Variants in ACER2 observed in about 807,000 individuals in gnomAD.
The protein encoded by ACER2 is alkaline ceramidase 2.
Under a neutral mutation model 34.7 loss-of-function variants are expected in ACER2, and 26 were observed. The observed-to-expected ratio is 0.75, with a 90% CI of 0.55 to 1.04. The LOEUF (loss-of-function observed/expected upper bound fraction) is 1.04. Among genes scored for constraint, ACER2 ranks in the 50% least tolerant of loss-of-function variants. The probability of loss-of-function intolerance (pLI) is 0.00; values close to 1 mark genes in which losing one functional copy is unlikely to be tolerated. For synonymous variants in ACER2, 138 were observed against 132.1 expected (o/e 1.04, Z -0.31); for missense variants, 352 against 340.8 (o/e 1.03, Z -0.26).
chr9:19,441,384 A>G (rs1352327403), intron 4 of ACER2, among the ~76,000 whole-genome samples: 2 of 152,066 alleles, frequency 1.3e-5, no homozygotes, highest in Admixed American at 1.3e-4. Flanking sequence ...CGATGTTGCA[A>G]TGAAGATAAA....
At chr9:19,420,370 C>G (rs1418877984) in intron 1 of ACER2, among the ~76,000 whole-genome samples, 1 of 152,192 alleles carries the variant, frequency 6.6e-6, no homozygotes, top group African/African-American at 2.4e-5. Flanking sequence ...CTCATGTAGA[C>G]TTAGCTGTCA....
At chr9:19,420,385 C>T (rs1830368047) in intron 1 of ACER2, among the ~76,000 whole-genome samples, 1 of 152,198 alleles carries the variant, frequency 6.6e-6, no homozygotes, top group South Asian at 2.1e-4. Flanking sequence ...CTGTCATCTT[C>T]ACATTCGACA....
chr9:19,424,547 G>A (rs1589043174), intron 2 of ACER2, 153 bp from the exon 3 acceptor site: 2 of 985,414 alleles, frequency 2.0e-6, no homozygotes, highest in South Asian at 9.4e-5. Flanking sequence ...GCATGCTTGG[G>A]TGGTGTGAGT....
intron 4 of ACER2, among the ~76,000 whole-genome samples, chr9:19,443,741 C>G (rs1368538174): frequency 2.0e-5 from 3 of 152,100 alleles, no homozygotes; most frequent in African/African-American, 7.2e-5. Context: ...TCTGCAACCT[C>G]CACAATCTGG....
Position 19,423,900 on chromosome 9 carries a change from C to T in ACER2, c.147C>T (p.Cys49=). ...NVLFFILPPI[C]MCLFRQYATC... Reference sequence around the variant, plus strand: ...TATTTTTCATTTTACCGCCCATCTGCATGTGCTTGTTTCGTCAGTATGCAA... The same window carrying T: ...TATTTTTCATTTTACCGCCCATCTGTATGTGCTTGTTTCGTCAGTATGCAA... The change falls in exon 2 of 6, where the codon TGC becomes TGT. Residue 49 remains cysteine, a synonymous_variant. Coordinates refer to ENST00000340967, the MANE Select transcript of ACER2 (RefSeq NM_001010887.3). 6.2e-7 allele frequency: 1 copy of T among 1,614,112 alleles called. No individual in the cohort carries two copies. The highest frequency in any genetic ancestry group is 1.1e-5 in the South Asian group (1 of 91,080).
rs145508194 is a variant in ACER2, at chr9:19,430,767, G to C, written c.366-4180G>C. 7.7e-3 allele frequency among the ~76,000 whole-genome samples: 1,165 copies of C among 152,188 alleles called. 15 individuals carry two copies. Among genetic ancestry groups the C allele is most frequent in the African/African-American group, 0.026 (1,099 of 41,508 alleles). ...GAGGTCAGGAGTTTGAGACTAGCCT[G>C]GCCAGCATGGTGAAACCCCATCTCT... is the stretch of plus-strand genomic sequence containing the variant. On this transcript the variant is annotated intron_variant, in intron 3 of 5. Transcript: ENST00000340967.
chr9:19,443,042 A>G (rs1469366473), intron 4 of ACER2, among the ~76,000 whole-genome samples: 2 of 131,648 alleles, frequency 1.5e-5, no homozygotes. Context: ...TTATTTATTT[A>G]TTTTTTGAGA....
intron 1 of ACER2, among the ~76,000 whole-genome samples, chr9:19,421,245 T>C (rs796712568): frequency 2.0e-5 from 3 of 152,362 alleles, no homozygotes; most frequent in African/African-American, 7.2e-5. Context: ...TGAAATGTCA[T>C]TTTGTTGCAA....
rs79868409 is a variant in ACER2, at chr9:19,430,461, A to G, written c.366-4486A>G. ...CCCTGTTGGGGCCTCTTACTCCTGG[A>G]TATTTCTAGCTCTCTTGTACCCAGG... On this transcript the variant is annotated intron_variant, in intron 3 of 5. Transcript: ENST00000340967. Among the ~76,000 whole-genome samples, 32 of 152,258 alleles carry G rather than the reference A, an allele frequency of 2.1e-4. No homozygotes were observed. In the East Asian group the frequency reaches 5.8e-3, roughly 28 times the overall value.
intron 3 of ACER2, among the ~76,000 whole-genome samples, chr9:19,429,652 A>G (rs986766450): frequency 2.0e-5 from 3 of 152,180 alleles, no homozygotes; most frequent in Non-Finnish European, 4.4e-5. Flanking sequence ...TTCTTAAATA[A>G]TTTATTCTGC....
intron 4 of ACER2, among the ~76,000 whole-genome samples, chr9:19,439,682 C>T (rs1426106930): frequency 6.6e-6 from 1 of 152,154 alleles, no homozygotes; most frequent in Non-Finnish European, 1.5e-5. Flanking sequence ...TTAAAAGCTC[C>T]ATCGGCTGGG....
In ACER2 at chr9:19,439,765, A is replaced by G. The variant is rs945630441; in HGVS notation, c.503+4681A>G. Among the ~76,000 whole-genome samples the G allele has an allele frequency of 5.9e-5, 9 of 152,328 alleles. No homozygotes were observed. The East Asian group carries it at 1.7e-3, about 29-fold the overall frequency. On this transcript the variant is annotated intron_variant, in intron 4 of 5. Transcript: ENST00000340967. The stretch of plus-strand genomic sequence containing the variant: ...GGTGGATCACGAGGTCAGGAGTTCA[A>G]GACTAGCCTGGCCAACAGGATGAAA...
intron 3 of ACER2, among the ~76,000 whole-genome samples, chr9:19,430,572 G>C (rs1830720664): frequency 6.6e-6 from 1 of 152,116 alleles, no homozygotes; most frequent in African/African-American, 2.4e-5. Context: ...CCGGCTGCTT[G>C]TGTTCACAGG....
chr9:19,422,216 C>T (rs2132473132), intron 1 of ACER2, among the ~76,000 whole-genome samples: 1 of 151,668 alleles, frequency 6.6e-6, no homozygotes, highest in East Asian at 1.9e-4. Flanking sequence ...CAGGAGGCTC[C>T]CTTAAGCCTG....
Position 19,424,855 on chromosome 9 carries a change from A to G in ACER2, c.365+14A>G. On this transcript the variant is annotated intron_variant, in intron 3 of 5. Transcript: ENST00000340967. ...TCGGAATGACCGGTAAGCTTGCACT[A>G]AACATTATTGCATTTACCACTAGGT... The G allele has an allele frequency of 1.2e-6, 2 of 1,614,060 alleles. No individual in the cohort carries two copies. The highest frequency in any genetic ancestry group is 1.7e-6 in the Non-Finnish European group (2 of 1,179,996).
intron 3 of ACER2, among the ~76,000 whole-genome samples, chr9:19,430,410 G>A (rs113730973): frequency 1.3e-5 from 2 of 152,166 alleles, no homozygotes; most frequent in African/African-American, 2.4e-5. Flanking sequence ...ACCAGAGGCT[G>A]TCATCAATCA....
At chr9:19,424,000 C>G in intron 2 of ACER2, 24 bp downstream of exon 2, 2 of 1,539,148 alleles carry the variant, frequency 1.3e-6, no homozygotes, top group Non-Finnish European at 1.8e-6. Context: ...TTTGGGAACA[C>G]GGACTTAATG....
chr9:19,419,694 C>T (rs552199073), intron 1 of ACER2, among the ~76,000 whole-genome samples: 8 of 152,108 alleles, frequency 5.3e-5, no homozygotes, highest in African/African-American at 1.9e-4. Flanking sequence ...AGCCAGGAGG[C>T]GGACATTACA....
Position 19,424,942 on chromosome 9 carries a change from G to A in ACER2, c.365+101G>A, listed in dbSNP as rs114733341. The A allele has an allele frequency of 1.4e-3, 1,923 of 1,422,960 alleles. 20 individuals carry two copies. In the African/African-American group the frequency reaches 0.025, roughly 18 times the overall value. 88.1% of individuals were successfully genotyped at this position (1,422,960 alleles called of 1,614,324 possible). On this transcript the variant is annotated intron_variant, in intron 3 of 5. Transcript: ENST00000340967. ...ATAGCACATGATTGAACTCAGCCTA[G>A]TGATGAGCTTATCATATACTTGTTC... is the stretch of plus-strand genomic sequence containing the variant.
Sources: allele counts gnomAD v4.1 joint callset (sites outside exome capture counted in the v4.1 genomes callset), GRCh38; gene constraint gnomAD v4.1.1; transcripts MANE v1.5; gene names NCBI Gene and HGNC (gene_info 2026-07-23, HGNC 2026-07-21).